The following MECOM variants were observed in gnomAD, a reference collection of about 807,000 sequenced individuals.
MECOM encodes MDS1 and EVI1 complex locus, also known as histone-lysine N-methyltransferase MECOM.
In MECOM, 13 loss-of-function variants were observed where a neutral mutation model predicts 116.3. The ratio of observed to expected loss-of-function variants is 0.11; its 90% confidence interval spans 0.07 to 0.18. The LOEUF is 0.18. MECOM is among the 10% of genes least tolerant of loss of function. The pLI is 1.00. For synonymous variants in MECOM, 528 were observed against 535.2 expected, an observed-to-expected ratio of 0.99 and a Z score of 0.19; for missense variants, 1,299 against 1,509.0, an observed-to-expected ratio of 0.86 and a Z score of 2.31.
intron 1 of MECOM, among the ~76,000 whole-genome samples, chr3:169,548,314 C>A (rs1336652036): frequency 6.6e-6 from 1 of 152,154 alleles, no homozygotes; most frequent in Non-Finnish European, 1.5e-5. Flanking sequence ...TCAGGAAGAA[C>A]CCATGTGCAA....
rs143553500 is a variant in MECOM at position 169,433,424 on chromosome 3, C to T, written c.38-51900G>A. ...CAGAGGTTGCAGTGAGCAGAGATCA[C>T]GCCATTGCACTCCAGCCTGGGCAAC... is the stretch of plus-strand genomic sequence containing the variant. On this transcript the variant is annotated intron_variant, in intron 1 of 16. Transcript: ENST00000651503. 4.2e-4 allele frequency among the ~76,000 whole-genome samples: 64 copies of T among 151,530 alleles called. 1 individual carries two copies. The highest frequency in any genetic ancestry group is 1.3e-3 in the African/African-American group (55 of 41,262).
chr3:169,233,405 A>T (rs1753658961), intron 2 of MECOM, among the ~76,000 whole-genome samples: 1 of 152,162 alleles, frequency 6.6e-6, no homozygotes, highest in South Asian at 2.1e-4. Context: ...GGGGTGAAAG[A>T]CGTTTGGCAC....
At chr3:169,219,350 C>T (rs1751816070) in intron 2 of MECOM, among the ~76,000 whole-genome samples, 1 of 151,898 alleles carries the variant, frequency 6.6e-6, no homozygotes, top group Non-Finnish European at 1.5e-5. Flanking sequence ...ACTAAAAATA[C>T]AAAAAAATTA....
At position 169,159,264 on chromosome 3, in the gene MECOM, A is replaced by G. The variant is rs79964711; in HGVS notation, c.376-15432T>C. On this transcript the variant is annotated intron_variant, in intron 2 of 16. Transcript: ENST00000651503. ...CAACTTCTTCAGCCTCTCTTTTAGT[A>G]TCTCTAAAATTGCAGGCCAGGCATG... 9.9e-3 allele frequency among the ~76,000 whole-genome samples: 1,508 copies of G among 152,252 alleles called. 12 individuals are homozygous for G. The highest frequency in any genetic ancestry group is 0.017 in the Non-Finnish European group (1,156 of 68,018).
At chr3:169,594,576 G>C (rs557360569) in intron 1 of MECOM, among the ~76,000 whole-genome samples, 1 of 151,756 alleles carries the variant, frequency 6.6e-6, no homozygotes, top group Admixed American at 6.6e-5. Flanking sequence ...GGAATACTGG[G>C]AGAAGAGGAG....
chr3:169,609,046 A>G (rs1016128290), intron 1 of MECOM, among the ~76,000 whole-genome samples: 25 of 152,218 alleles, frequency 1.6e-4, no homozygotes, highest in Admixed American at 1.0e-3. Flanking sequence ...ATAAAAATCT[A>G]TTAACTTTCT....
At chr3:169,097,817 TAA>T (rs539873617) in intron 12 of MECOM, among the ~76,000 whole-genome samples, 64 of 87,212 alleles carry the variant, frequency 7.3e-4, no homozygotes, top group South Asian at 6.4e-3. Context: ...ACTGTCTATA[TAA>T]AAAAAAAAAA....
chr3:169,349,300 A>G (rs1725900704), intron 2 of MECOM, among the ~76,000 whole-genome samples: 1 of 151,882 alleles, frequency 6.6e-6, no homozygotes, highest in South Asian at 2.1e-4. Context: ...TTAGCCTAGT[A>G]GAAATTTTCT....
chr3:169,490,624 A>G (rs1351553176), intron 1 of MECOM, among the ~76,000 whole-genome samples: 2 of 152,236 alleles, frequency 1.3e-5, no homozygotes, highest in Admixed American at 6.5e-5. Context: ...AGTACCACTT[A>G]TGTACATTTT....
At chr3:169,584,651 TGTA>T (rs1235514398) in intron 1 of MECOM, among the ~76,000 whole-genome samples, 5 of 152,152 alleles carry the variant, frequency 3.3e-5, no homozygotes, top group African/African-American at 9.7e-5. Flanking sequence ...CACTTAGACT[TGTA>T]GTACATTTCC....
At chr3:169,261,027 T>C (rs1225411641) in intron 2 of MECOM, among the ~76,000 whole-genome samples, 1 of 152,192 alleles carries the variant, frequency 6.6e-6, no homozygotes, top group African/African-American at 2.4e-5. Flanking sequence ...AGAGCACTTT[T>C]TTTTCTAAGT....
intron 3 of MECOM, among the ~76,000 whole-genome samples, chr3:169,134,944 T>G (rs1735901454): frequency 6.6e-6 from 1 of 152,112 alleles, no homozygotes; most frequent in Non-Finnish European, 1.5e-5. Context: ...TACTTTTATG[T>G]TATAAAATAG....
intron 2 of MECOM, among the ~76,000 whole-genome samples, chr3:169,317,023 T>C (rs865907533): frequency 2.6e-5 from 4 of 152,208 alleles, no homozygotes; most frequent in Non-Finnish European, 5.9e-5. Flanking sequence ...AGATAAGAAA[T>C]GGACTTAACT....
At chr3:169,559,366 A>G (rs183092671) in intron 1 of MECOM, among the ~76,000 whole-genome samples, 2 of 152,244 alleles carry the variant, frequency 1.3e-5, no homozygotes, top group African/African-American at 2.4e-5. Flanking sequence ...TTCATCATGT[A>G]TGTGTGTGTG....
chr3:169,465,955 T>A (rs1748236412), intron 1 of MECOM, among the ~76,000 whole-genome samples: 1 of 152,230 alleles, frequency 6.6e-6, no homozygotes, highest in African/African-American at 2.4e-5. Flanking sequence ...AACACTATGC[T>A]ACTTAGGAAC....
At chr3:169,421,281 C>T (rs986251931) in intron 1 of MECOM, among the ~76,000 whole-genome samples, 2 of 152,080 alleles carry the variant, frequency 1.3e-5, no homozygotes, top group Admixed American at 1.3e-4. Context: ...ATCTTCTTGT[C>T]TTCTCACTTT....
intron 2 of MECOM, among the ~76,000 whole-genome samples, chr3:169,212,666 A>T (rs1451598091): frequency 8.9e-6 from 1 of 112,566 alleles, no homozygotes; most frequent in African/African-American, 3.5e-5. Flanking sequence ...ATATATATAT[A>T]TATATATATA....
intron 2 of MECOM, among the ~76,000 whole-genome samples, chr3:169,234,158 C>T (rs1389979489): frequency 3.3e-5 from 5 of 151,542 alleles, no homozygotes; most frequent in African/African-American, 1.2e-4. Flanking sequence ...ACACACAATT[C>T]CTACCATGGA....
intron 2 of MECOM, among the ~76,000 whole-genome samples, chr3:169,161,706 G>A (rs1391778802): frequency 6.6e-6 from 1 of 152,106 alleles, no homozygotes; most frequent in Non-Finnish European, 1.5e-5. Flanking sequence ...TGAGCTTAGT[G>A]ACACACTTCC....
Sources: allele counts gnomAD v4.1 joint callset (sites outside exome capture counted in the v4.1 genomes callset), GRCh38; gene constraint gnomAD v4.1.1; transcripts MANE v1.5; gene names NCBI Gene and HGNC (gene_info 2026-07-23, HGNC 2026-07-21).